Variants in PAK5 observed in about 807,000 individuals in gnomAD.
PAK5 encodes serine/threonine-protein kinase PAK 5.
In PAK5, 16 loss-of-function variants were observed where a neutral mutation model predicts 65.9. The ratio of observed to expected loss-of-function variants is 0.24; its 90% confidence interval spans 0.16 to 0.37. PAK5 has a LOEUF of 0.37. Ranked by LOEUF, PAK5 falls within the 10% of genes least tolerant of loss-of-function variation. The pLI is 1.00. For synonymous variants in PAK5, 371 were observed against 354.9 expected (o/e 1.05, Z -0.51); for missense variants, 785 against 903.9 (o/e 0.87, Z 1.69).
At chr20:9,717,136 T>A (rs1290363039) in intron 1 of PAK5, among the ~76,000 whole-genome samples, 1 of 152,016 alleles carries the variant, frequency 6.6e-6, no homozygotes, top group African/African-American at 2.4e-5. Context: ...GTAGACTATG[T>A]TCAGATAACA....
At chr20:9,582,438 G>A (rs2045995269) in intron 3 of PAK5, among the ~76,000 whole-genome samples, 1 of 152,132 alleles carries the variant, frequency 6.6e-6, no homozygotes, top group Non-Finnish European at 1.5e-5. Context: ...TTTGGTTTGA[G>A]GAGGAAGATC....
rs189676745 is a variant in PAK5 at position 9,656,271 on chromosome 20, T to C, written c.-11-11932A>G. ...TGAGCAGTAATATTTGTTGAATGAA[T>C]AGTCACTGAGACAAAATATTTCCCT... On this transcript the variant is annotated intron_variant, in intron 2 of 9. Coordinates refer to ENST00000353224, the MANE Select transcript of PAK5 (RefSeq NM_177990.4). 8.5e-5 allele frequency among the ~76,000 whole-genome samples: 13 copies of C among 152,154 alleles called. No homozygotes were observed. In the South Asian group the frequency reaches 2.1e-3, roughly 24 times the overall value.
chr20:9,670,367 C>A (rs1273377844), intron 2 of PAK5, among the ~76,000 whole-genome samples: 25 of 152,046 alleles, frequency 1.6e-4, no homozygotes, highest in Admixed American at 6.6e-4. Context: ...ACAATGGTTG[C>A]ACTAGTTTAC....
Position 9,644,832 on chromosome 20 carries a change from G to A in PAK5, c.-11-493C>T, listed in dbSNP as rs544070194. On this transcript the variant is annotated intron_variant, in intron 2 of 9. Transcript: ENST00000353224. ...CTCAACTGAGATATTATTGAGCCAC[G>A]GCTGACTCGCAAATGAGAAATAAAT... is the stretch of plus-strand genomic sequence containing the variant. 2.1e-3 allele frequency among the ~76,000 whole-genome samples: 316 copies of A among 152,242 alleles called. 2 individuals carry two copies. The highest frequency in any genetic ancestry group is 7.3e-3 in the African/African-American group (304 of 41,532).
rs904743616 is a variant in PAK5, at chr20:9,760,634, T to C, written c.-161-49199A>G. The stretch of plus-strand genomic sequence containing the variant: ...GCTTCTTTTTGAAGTTCATCATCTA[T>C]ATCAATTCATCTGACATTTATCTTT... On this transcript the variant is annotated intron_variant, in intron 1 of 9. Transcript: ENST00000353224. Among the ~76,000 whole-genome samples the C allele has an allele frequency of 2.7e-4, 41 of 151,286 alleles. 1 individual carries two copies. The highest frequency in any genetic ancestry group is 1.8e-4 in the Non-Finnish European group (12 of 67,850).
chr20:9,541,661 C>T (rs1352440614), intron 9 of PAK5, among the ~76,000 whole-genome samples: 2 of 152,252 alleles, frequency 1.3e-5, no homozygotes, highest in South Asian at 2.1e-4. Flanking sequence ...TTTGATCCCT[C>T]CCTAGAAAGG....
intron 4 of PAK5, chr20:9,577,573 A>G (rs1175965918): frequency 1.3e-5 from 2 of 152,240 alleles, no homozygotes; most frequent in Admixed American, 1.3e-4. Context: ...TTCTTCCCTC[A>G]GCTGGAAATC....
chr20:9,642,014 G>C (rs1471064957), intron 3 of PAK5, among the ~76,000 whole-genome samples: 3 of 152,272 alleles, frequency 2.0e-5, no homozygotes, highest in Non-Finnish European at 2.9e-5. Flanking sequence ...CTCCAGCCTT[G>C]GCCAGCCCAG....
At chr20:9,570,754 T>C (rs928935615) in intron 4 of PAK5, among the ~76,000 whole-genome samples, 1 of 152,190 alleles carries the variant, frequency 6.6e-6, no homozygotes, top group African/African-American at 2.4e-5. Context: ...ATTGAATTCA[T>C]TCCCCACAAG....
intron 1 of PAK5, among the ~76,000 whole-genome samples, chr20:9,788,078 T>G (rs2049012433): frequency 6.6e-6 from 1 of 152,112 alleles, no homozygotes; most frequent in African/African-American, 2.4e-5. Context: ...CTTTGTTTTC[T>G]CTAAACAGAA....
intron 9 of PAK5, 124 bp from the exon 10 acceptor site, chr20:9,539,741 A>T: frequency 1.3e-6 from 1 of 747,106 alleles, no homozygotes; most frequent in African/African-American, 1.7e-5. Context: ...AAGGAGAAAG[A>T]TGTTGTGAAA....
chr20:9,830,664 T>C (rs1446438260), intron 1 of PAK5, among the ~76,000 whole-genome samples: 1 of 152,096 alleles, frequency 6.6e-6, no homozygotes, highest in African/African-American at 2.4e-5. Context: ...CTTTCAAAAT[T>C]CCTGCCGGTA....
intron 3 of PAK5, among the ~76,000 whole-genome samples, chr20:9,618,715 A>G (rs991189123): frequency 1.3e-5 from 2 of 151,598 alleles, no homozygotes; most frequent in Middle Eastern, 3.4e-3. Flanking sequence ...GCCCGGCTGG[A>G]ACTTATTTTT....
At chr20:9,632,164 T>A (rs554142396) in intron 3 of PAK5, among the ~76,000 whole-genome samples, 2 of 152,166 alleles carry the variant, frequency 1.3e-5, no homozygotes, top group Non-Finnish European at 2.9e-5. Context: ...AGATGTCCCC[T>A]AGAATATCAT....
At chr20:9,629,049 C>G (rs2046886760) in intron 3 of PAK5, among the ~76,000 whole-genome samples, 2 of 152,170 alleles carry the variant, frequency 1.3e-5, no homozygotes, top group Non-Finnish European at 2.9e-5. Context: ...TTTCTGGCCT[C>G]AGTACCCCAT....
chr20:9,678,515 T>C (rs1446824846), intron 2 of PAK5, among the ~76,000 whole-genome samples: 1 of 152,144 alleles, frequency 6.6e-6, no homozygotes, highest in African/African-American at 2.4e-5. Flanking sequence ...TGCAGTGAGC[T>C]GAGATTGCAC....
chr20:9,728,734 C>T (rs139502596), intron 1 of PAK5, among the ~76,000 whole-genome samples: 68 of 149,400 alleles, frequency 4.6e-4, no homozygotes, highest in Non-Finnish European at 9.3e-4. Context: ...TGGCAAACTA[C>T]AGCCCATGGC....
intron 6 of PAK5, among the ~76,000 whole-genome samples, chr20:9,562,122 T>C (rs2045600181): frequency 6.6e-6 from 1 of 152,196 alleles, no homozygotes; most frequent in Admixed American, 6.5e-5. Flanking sequence ...GATGTCACCT[T>C]ATATTAAATA....
rs188181564 is a variant in PAK5 at position 9,715,804 on chromosome 20, C to A, written c.-161-4369G>T. 4.5e-3 allele frequency among the ~76,000 whole-genome samples: 680 copies of A among 151,314 alleles called. 3 individuals are homozygous for A. The highest frequency in any genetic ancestry group is 0.013 in the African/African-American group (549 of 41,230). ...AGCAAACTATCACAAGGAGAAAAAA[C>A]CAAACACCATATGTTCTCACTCATA... On this transcript the variant is annotated intron_variant, in intron 1 of 9. Transcript: ENST00000353224.
Sources: allele counts gnomAD v4.1 joint callset (sites outside exome capture counted in the v4.1 genomes callset), GRCh38; gene constraint gnomAD v4.1.1; transcripts MANE v1.5; gene names NCBI Gene and HGNC (gene_info 2026-07-23, HGNC 2026-07-21).